The following MYO5B variants were observed in gnomAD, a reference collection of about 807,000 sequenced individuals.
The protein encoded by MYO5B is unconventional myosin-Vb.
Under a neutral mutation model 229.3 loss-of-function variants are expected in MYO5B, and 143 were observed. The ratio of observed to expected loss-of-function variants is 0.62; its 90% CI spans 0.54 to 0.72. MYO5B has a LOEUF of 0.72. Ranked by LOEUF, MYO5B falls within the 30% of genes least tolerant of loss-of-function variation. The probability of loss-of-function intolerance (pLI) is 0.00; values close to 1 mark genes in which losing one functional copy is unlikely to be tolerated. For synonymous variants in MYO5B, 918 were observed against 885.2 expected, an observed-to-expected ratio of 1.04 and a Z score of -0.66; for missense variants, 2,321 against 2,331.0, an observed-to-expected ratio of 1.00 and a Z score of 0.09.
chr18:50,188,612 C>A (rs751977510), intron 1 of MYO5B, among the ~76,000 whole-genome samples: 6 of 151,954 alleles, frequency 3.9e-5, no homozygotes, highest in Admixed American at 6.5e-5. Flanking sequence ...CATGGTAAAA[C>A]CCCGTCTCTA....
intron 7 of MYO5B, among the ~76,000 whole-genome samples, chr18:49,988,040 G>A (rs987628982): frequency 6.6e-6 from 1 of 152,188 alleles, no homozygotes; most frequent in Non-Finnish European, 1.5e-5. Flanking sequence ...CAACAATGGG[G>A]CAGAAGAGTG....
At chr18:50,186,111 T>C (rs577553793) in intron 1 of MYO5B, among the ~76,000 whole-genome samples, 1 of 152,360 alleles carries the variant, frequency 6.6e-6, no homozygotes, top group East Asian at 1.9e-4. Flanking sequence ...ATAAGAAGTA[T>C]GAAGGATATT....
chr18:50,177,149 T>A (rs1318554388), intron 1 of MYO5B, among the ~76,000 whole-genome samples: 2 of 122,442 alleles, frequency 1.6e-5, no homozygotes, highest in African/African-American at 6.8e-5. Context: ...ACACAGGCCA[T>A]CTTATTTTTT....
At chr18:49,860,828 C>G (rs11662399) in intron 29 of MYO5B, among the ~76,000 whole-genome samples, 8,249 of 152,062 alleles carry the variant, frequency 0.054, 317 homozygotes, top group Non-Finnish European at 0.081. Flanking sequence ...CAGTAGAACT[C>G]TCCATTACAG....
chr18:50,080,789 G>T (rs963883217), intron 1 of MYO5B, among the ~76,000 whole-genome samples: 2 of 152,154 alleles, frequency 1.3e-5, no homozygotes, highest in Non-Finnish European at 2.9e-5. Context: ...GTTCCCATAA[G>T]AGAACTTCAA....
chr18:50,010,661 A>T (rs148902609), intron 4 of MYO5B, among the ~76,000 whole-genome samples: 4 of 152,340 alleles, frequency 2.6e-5, no homozygotes, highest in African/African-American at 9.6e-5. Flanking sequence ...GATGAAAGTG[A>T]GCAACAGAGG....
intron 1 of MYO5B, chr18:50,126,694 T>A (rs1037089861): frequency 6.5e-6 from 1 of 154,332 alleles, no homozygotes; most frequent in Non-Finnish European, 1.5e-5. Flanking sequence ...CAGGACCTGA[T>A]CAAATGGGTC....
At chr18:49,939,144 T>TTTC (rs2025284684) in intron 14 of MYO5B, among the ~76,000 whole-genome samples, 4 of 133,800 alleles carry the variant, frequency 3.0e-5, no homozygotes, top group Non-Finnish European at 6.3e-5. Flanking sequence ...TCTTTCTTTT[T>TTTC]TTTCTTTTTT....
At position 50,055,295 on chromosome 18, in the gene MYO5B, G is replaced by A; in HGVS notation, c.111C>T (p.Ser37=). The change falls in exon 2 of 40, where the codon AGC becomes AGT. Residue 37 remains serine, a synonymous_variant. Coordinates refer to ENST00000285039, the MANE Select transcript of MYO5B (RefSeq NM_001080467.3). ...TTTCATCCTCCAGTCTGAGCTGTAG[G>A]CTCTTGTCTCCTTCTTTGTAGTCCT... is the stretch of plus-strand genomic sequence containing the variant. ...LTKDYKEGDK[S]LQLRLEDETI... is the part of the protein sequence containing the mutation. 6.2e-7 allele frequency: 1 copy of A among 1,610,194 alleles called. No individual in the cohort carries two copies.
At chr18:50,082,665 C>T (rs1028147059) in intron 1 of MYO5B, among the ~76,000 whole-genome samples, 5 of 152,188 alleles carry the variant, frequency 3.3e-5, no homozygotes, top group Non-Finnish European at 7.3e-5. Flanking sequence ...GATATCCCTT[C>T]CAACTTCTGT....
At chr18:50,119,714 G>T (rs979539203) in intron 1 of MYO5B, among the ~76,000 whole-genome samples, 2 of 152,150 alleles carry the variant, frequency 1.3e-5, no homozygotes, top group African/African-American at 4.8e-5. Context: ...ATATAAATCA[G>T]CCCGAGTTGT....
intron 1 of MYO5B, among the ~76,000 whole-genome samples, chr18:50,076,860 G>C (rs2144460536): frequency 6.6e-6 from 1 of 151,684 alleles, no homozygotes; most frequent in Non-Finnish European, 1.5e-5. Context: ...AAAACCAGTT[G>C]GGACATTCAC....
At chr18:50,136,404 AGGAAGTC>A (rs1241937049) in intron 1 of MYO5B, among the ~76,000 whole-genome samples, 1 of 150,634 alleles carries the variant, frequency 6.6e-6, no homozygotes, top group African/African-American at 2.4e-5. Flanking sequence ...TTGCTAAGAA[AGGAAGTC>A]GGGATGGTAA....
chr18:49,936,456 T>A, intron 15 of MYO5B, 107 bp from the exon 16 acceptor site: 1 of 854,496 alleles, frequency 1.2e-6, no homozygotes, highest in Non-Finnish European at 1.9e-6. Flanking sequence ...ATTATATTAT[T>A]AATCCAGAAG....
intron 22 of MYO5B, among the ~76,000 whole-genome samples, chr18:49,884,386 T>C (rs112291087): frequency 0.18 from 27,834 of 151,852 alleles, 2,774 homozygotes; most frequent in East Asian, 0.41. Context: ...CATTGTAATA[T>C]ACAATTAAAT....
At chr18:49,948,957 G>A (rs189081786) in intron 14 of MYO5B, among the ~76,000 whole-genome samples, 26 of 152,328 alleles carry the variant, frequency 1.7e-4, no homozygotes, top group Admixed American at 1.2e-3. Flanking sequence ...GGATCTCTGA[G>A]ATTCAGAGGT....
At chr18:50,010,546 C>T (rs762760756) in intron 4 of MYO5B, among the ~76,000 whole-genome samples, 5 of 152,200 alleles carry the variant, frequency 3.3e-5, no homozygotes, top group Non-Finnish European at 7.3e-5. Context: ...TCTGTGATTC[C>T]AGATCCAGGT....
At position 49,932,306 on chromosome 18, in the gene MYO5B, G is replaced by A. The variant is rs571022539; in HGVS notation, c.2004-2708C>T. On this transcript the variant is annotated intron_variant, in intron 16 of 39. Transcript: ENST00000285039. Reference sequence around the variant, plus strand: ...CACAGCACAGCATGAGTTTTTGAGGGCAGGGTTGGGGACATCGGTTTTCTC... The same window carrying A: ...CACAGCACAGCATGAGTTTTTGAGGACAGGGTTGGGGACATCGGTTTTCTC... 3.9e-5 allele frequency among the ~76,000 whole-genome samples: 6 copies of A among 152,258 alleles called. No individual in the cohort carries two copies. The South Asian group carries it at 1.0e-3, about 26-fold the overall frequency.
chr18:50,146,809 G>A (rs1186545621), intron 1 of MYO5B, among the ~76,000 whole-genome samples: 2 of 152,170 alleles, frequency 1.3e-5, no homozygotes, highest in Admixed American at 6.5e-5. Flanking sequence ...AAAAACTTAC[G>A]TATTTAGCGT....
Sources: gnomAD v4.1 joint callset for allele counts (sites outside exome capture counted in the v4.1 genomes callset) on GRCh38, gnomAD v4.1.1 for gene constraint, MANE v1.5 for transcripts, NCBI Gene and HGNC (gene_info 2026-07-23, HGNC 2026-07-21) for gene names.